Variants in DPP10 observed in about 807,000 individuals in gnomAD.
The protein encoded by DPP10 is dipeptidyl peptidase like 10, also known as inactive dipeptidyl peptidase 10.
Under a neutral mutation model 120.9 loss-of-function variants are expected in DPP10, and 33 were observed. That is an observed-to-expected ratio of 0.27 (90% CI 0.21 to 0.37). DPP10 has a LOEUF of 0.37. Among genes scored for constraint, DPP10 ranks in the 10% least tolerant of loss-of-function variants. The pLI, the probability that DPP10 is intolerant of heterozygous loss-of-function variation, is 1.00. For missense variants in DPP10, 816 were observed against 942.8 expected (o/e 0.87, Z 1.76); for synonymous variants, 337 against 326.1 (o/e 1.03, Z -0.36).
At position 115,558,713 on chromosome 2, in the gene DPP10, A is replaced by G. The variant is rs886769927; in HGVS notation, c.441+32741A>G. Among the ~76,000 whole-genome samples the G allele has an allele frequency of 3.4e-5, 5 of 146,616 alleles. No individual in the cohort carries two copies. The Admixed American group carries it at 3.7e-4, about 11-fold the overall frequency. ...AAATTACTCTGGGGAATTAAGAGTT[A>G]TTTTCATTTATTCAGAAAATCATAT... On this transcript the variant is annotated intron_variant, in intron 5 of 25. Coordinates refer to ENST00000410059, the MANE Select transcript of DPP10 (RefSeq NM_020868.6).
chr2:114,475,715 G>A (rs1680316853), intron 1 of DPP10, among the ~76,000 whole-genome samples: 2 of 152,080 alleles, frequency 1.3e-5, no homozygotes, highest in Non-Finnish European at 2.9e-5. Flanking sequence ...TTTATACATC[G>A]TCCGTCTGAA....
chr2:114,606,903 A>G (rs949852696), intron 1 of DPP10, among the ~76,000 whole-genome samples: 1 of 152,174 alleles, frequency 6.6e-6, no homozygotes, highest in African/African-American at 2.4e-5. Context: ...ACTATACTCT[A>G]TAAATTGTGA....
At chr2:114,827,437 A>G (rs1241414660) in intron 1 of DPP10, among the ~76,000 whole-genome samples, 1 of 152,228 alleles carries the variant, frequency 6.6e-6, no homozygotes, top group East Asian at 1.9e-4. Context: ...CTTGTTGACC[A>G]TGACTCATGG....
intron 1 of DPP10, among the ~76,000 whole-genome samples, chr2:114,501,249 A>T (rs1408971519): frequency 6.6e-6 from 1 of 152,096 alleles, no homozygotes; most frequent in African/African-American, 2.4e-5. Context: ...AAAAATAATA[A>T]TATTACTTCA....
intron 5 of DPP10, among the ~76,000 whole-genome samples, chr2:115,648,503 A>G (rs935306414): frequency 1.3e-5 from 2 of 152,020 alleles, no homozygotes; most frequent in Admixed American, 1.3e-4. Flanking sequence ...TACGTATTTC[A>G]AATAATCATC....
intron 1 of DPP10, among the ~76,000 whole-genome samples, chr2:114,493,173 G>C (rs1342584328): frequency 2.0e-5 from 3 of 152,274 alleles, no homozygotes; most frequent in African/African-American, 7.2e-5. Flanking sequence ...AGCAAAGTGT[G>C]GTGGTGAGCA....
At chr2:115,526,911 C>G (rs563733213) in intron 5 of DPP10, among the ~76,000 whole-genome samples, 1 of 152,074 alleles carries the variant, frequency 6.6e-6, no homozygotes. Context: ...TCAAAGGCCT[C>G]TTTTCCTAGT....
chr2:115,804,753 G>A (rs1418068052), intron 19 of DPP10, among the ~76,000 whole-genome samples: 1 of 152,172 alleles, frequency 6.6e-6, no homozygotes, highest in Non-Finnish European at 1.5e-5. Context: ...GTGGATACTG[G>A]TGAACCGCAA....
chr2:115,079,237 G>A (rs571488958), intron 1 of DPP10, among the ~76,000 whole-genome samples: 2 of 152,222 alleles, frequency 1.3e-5, no homozygotes, highest in Admixed American at 1.3e-4. Flanking sequence ...AACATTAGCC[G>A]GACGTGGTGG....
intron 5 of DPP10, among the ~76,000 whole-genome samples, chr2:115,684,758 G>A (rs920599005): frequency 1.3e-5 from 2 of 151,690 alleles, no homozygotes; most frequent in East Asian, 3.9e-4. Flanking sequence ...GGTGTCTTAG[G>A]TAATAACTGA....
At chr2:115,677,199 C>T (rs1328557914) in intron 5 of DPP10, among the ~76,000 whole-genome samples, 1 of 152,134 alleles carries the variant, frequency 6.6e-6, no homozygotes, top group Non-Finnish European at 1.5e-5. Context: ...GAAAGTCTTA[C>T]ATTTGAAAGC....
At chr2:114,520,895 G>A (rs1247279710) in intron 1 of DPP10, among the ~76,000 whole-genome samples, 1 of 152,140 alleles carries the variant, frequency 6.6e-6, no homozygotes, top group Non-Finnish European at 1.5e-5. Context: ...TGGCTGATTT[G>A]CTTCAACAGC....
chr2:115,603,560 G>GTTTTTTTTTTTTTTTTTTTTT (rs10637786), intron 5 of DPP10, among the ~76,000 whole-genome samples: 6 of 126,408 alleles, frequency 4.7e-5, no homozygotes, highest in African/African-American at 9.1e-5. Context: ...CGTTGTTGTT[G>GTTTTTTTTTTTTTTTTTTTTT]TTTTTTTTTG....
intron 1 of DPP10, among the ~76,000 whole-genome samples, chr2:114,843,382 G>A (rs1158552014): frequency 6.6e-6 from 1 of 152,116 alleles, no homozygotes; most frequent in Non-Finnish European, 1.5e-5. Flanking sequence ...TCTGGTTTGA[G>A]TCCCTATCTT....
At position 115,275,977 on chromosome 2, in the gene DPP10, G is replaced by A. The variant is rs187794301; in HGVS notation, c.61-33262G>A. Among the ~76,000 whole-genome samples, 161 of 151,852 alleles carry A rather than the reference G, an allele frequency of 1.1e-3. 1 individual carries two copies. The highest frequency in any genetic ancestry group is 3.4e-3 in the African/African-American group (142 of 41,448). On this transcript the variant is annotated intron_variant, in intron 1 of 25. Coordinates refer to ENST00000410059, the MANE Select transcript of DPP10 (RefSeq NM_020868.6). The stretch of plus-strand genomic sequence containing the variant: ...CGGCCTCCCAAAGTGCTGGGATTAC[G>A]GGCGTGAGCCACCGCGCCCGGCCTA...
chr2:115,042,275 TA>T (rs1704711878), intron 1 of DPP10, among the ~76,000 whole-genome samples: 1 of 152,072 alleles, frequency 6.6e-6, no homozygotes, highest in Non-Finnish European at 1.5e-5. Context: ...CTATTGTAAT[TA>T]TTTTTTTTTT....
chr2:114,953,479 TGTGTGTGTGTGC>T (rs1238454216), intron 1 of DPP10, among the ~76,000 whole-genome samples: 2 of 151,966 alleles, frequency 1.3e-5, no homozygotes, highest in African/African-American at 4.8e-5. Flanking sequence ...CACATGTGTA[TGTGTGTGTGTGC>T]GTGTGTGTGT....
chr2:115,233,901 C>A (rs138743614), intron 1 of DPP10: 13 of 515,350 alleles, frequency 2.5e-5, no homozygotes, highest in Middle Eastern at 3.2e-4. Context: ...CTCCCTTAGC[C>A]CTTCTTCTGC....
At chr2:115,621,612 AT>A (rs1231688178) in intron 5 of DPP10, among the ~76,000 whole-genome samples, 1 of 152,022 alleles carries the variant, frequency 6.6e-6, no homozygotes, top group Non-Finnish European at 1.5e-5. Context: ...AATCCGCACA[AT>A]TTTTTTTCAC....
Sources: gnomAD v4.1 joint callset for allele counts (sites outside exome capture counted in the v4.1 genomes callset) on GRCh38, gnomAD v4.1.1 for gene constraint, MANE v1.5 for transcripts, NCBI Gene and HGNC (gene_info 2026-07-23, HGNC 2026-07-21) for gene names.